The following MARK1 variants were observed in gnomAD, a reference collection of about 807,000 sequenced individuals.
The protein encoded by MARK1 is microtubule affinity regulating kinase 1, also known as serine/threonine-protein kinase MARK1.
In MARK1, 40 loss-of-function variants were observed where a neutral mutation model predicts 96.3. The ratio of observed to expected loss-of-function variants is 0.42; its 90% CI spans 0.32 to 0.54. MARK1 has a LOEUF of 0.54. Ranked by LOEUF, MARK1 falls within the 20% of genes least tolerant of loss-of-function variation. The pLI, the probability that MARK1 is intolerant of heterozygous loss-of-function variation, is 0.16. For missense variants in MARK1, 719 were observed against 984.6 expected (o/e 0.73, Z 3.61); for synonymous variants, 317 against 341.2 (o/e 0.93, Z 0.78).
chr1:220,631,849 G>A (rs1378635752), intron 10 of MARK1, among the ~76,000 whole-genome samples: 4 of 152,188 alleles, frequency 2.6e-5, no homozygotes, highest in African/African-American at 9.7e-5. Context: ...TTCACTAGTA[G>A]CTGAGGACGA....
chr1:220,613,802 T>C (rs1232631148), intron 6 of MARK1, among the ~76,000 whole-genome samples: 1 of 152,196 alleles, frequency 6.6e-6, no homozygotes, highest in African/African-American at 2.4e-5. Context: ...AAATTGATTA[T>C]AATCATTCCC....
At chr1:220,532,984 C>T (rs535890565) in intron 1 of MARK1, among the ~76,000 whole-genome samples, 7 of 147,656 alleles carry the variant, frequency 4.7e-5, no homozygotes, top group Admixed American at 3.5e-4. Context: ...CACTCCAGCC[C>T]GGGTGACAGA....
intron 1 of MARK1, among the ~76,000 whole-genome samples, chr1:220,566,818 T>A (rs78334063): frequency 0.26 from 39,064 of 151,686 alleles, 5,747 homozygotes; most frequent in East Asian, 0.45. Flanking sequence ...ACTGACAACA[T>A]CTTCTGTGTT....
At chr1:220,626,915 C>A in intron 9 of MARK1, 1 of 493,538 alleles carries the variant, frequency 2.0e-6, no homozygotes, top group South Asian at 1.7e-5. Context: ...GGAAGTGGTT[C>A]CAATTTGTAA....
intron 1 of MARK1, among the ~76,000 whole-genome samples, chr1:220,573,532 C>T (rs985958910): frequency 3.9e-5 from 6 of 151,968 alleles, no homozygotes; most frequent in Admixed American, 3.9e-4. Flanking sequence ...ACTGTGTTAG[C>T]CAGGATGGTC....
chr1:220,538,919 G>T (rs1440406005), intron 1 of MARK1, among the ~76,000 whole-genome samples: 25 of 148,882 alleles, frequency 1.7e-4, no homozygotes, highest in Admixed American at 4.0e-4. Flanking sequence ...CATTGATTTT[G>T]TATCCTGAGA....
In MARK1 at chr1:220,645,980, C is replaced by T. The variant is rs141570739; in HGVS notation, c.1471-4640C>T. ...TGAATGGGCAAAAGCTGGAAGCATTCCCCCTTGAAAACTGGCACAAGACAA... is the reference window on the plus strand; with the variant it reads ...TGAATGGGCAAAAGCTGGAAGCATTTCCCCTTGAAAACTGGCACAAGACAA... On this transcript the variant is annotated intron_variant, in intron 13 of 17. Transcript: ENST00000366917. Among the ~76,000 whole-genome samples the T allele has an allele frequency of 2.0e-3, 297 of 152,144 alleles. 1 individual carries two copies. Among genetic ancestry groups the T allele is most frequent in the African/African-American group, 6.7e-3 (279 of 41,522 alleles).
intron 3 of MARK1, among the ~76,000 whole-genome samples, chr1:220,594,369 C>T (rs1444564668): frequency 6.6e-6 from 1 of 152,186 alleles, no homozygotes; most frequent in African/African-American, 2.4e-5. Context: ...CAAAACACAG[C>T]ACCAAATGCT....
intron 2 of MARK1, among the ~76,000 whole-genome samples, chr1:220,580,852 C>T (rs1664192592): frequency 6.6e-6 from 1 of 152,182 alleles, no homozygotes; most frequent in South Asian, 2.1e-4. Context: ...GCTTTCATTT[C>T]ATTGGCTCAG....
intron 5 of MARK1, among the ~76,000 whole-genome samples, chr1:220,600,146 A>T (rs1421006054): frequency 2.0e-5 from 3 of 152,100 alleles, no homozygotes; most frequent in Non-Finnish European, 4.4e-5. Flanking sequence ...CTCTTATCTA[A>T]ATTTTACTAT....
At chr1:220,605,074 A>G (rs1472729480) in intron 6 of MARK1, among the ~76,000 whole-genome samples, 1 of 86,768 alleles carries the variant, frequency 1.2e-5, no homozygotes, top group East Asian at 6.6e-4. Flanking sequence ...TCTAAGATAC[A>G]TATGTGTGTG....
chr1:220,607,293 G>A (rs1206716955), intron 6 of MARK1, among the ~76,000 whole-genome samples: 2 of 152,194 alleles, frequency 1.3e-5, no homozygotes, highest in Non-Finnish European at 2.9e-5. Context: ...AATTGTGAAT[G>A]AGAGTTCATT....
At chr1:220,544,465 T>A (rs758036989) in intron 1 of MARK1, among the ~76,000 whole-genome samples, 3 of 152,222 alleles carry the variant, frequency 2.0e-5, no homozygotes, top group Non-Finnish European at 2.9e-5. Context: ...TTGCTTACCC[T>A]TCTGCCCTTC....
At chr1:220,568,079 A>C (rs761697725) in intron 1 of MARK1, among the ~76,000 whole-genome samples, 1 of 152,172 alleles carries the variant, frequency 6.6e-6, no homozygotes, top group Non-Finnish European at 1.5e-5. Flanking sequence ...TATAATAGAT[A>C]TGTTTGTTAA....
chr1:220,538,056 T>G (rs1291291040), intron 1 of MARK1, among the ~76,000 whole-genome samples: 1 of 152,194 alleles, frequency 6.6e-6, no homozygotes, highest in Non-Finnish European at 1.5e-5. Flanking sequence ...TAGTTTCTTT[T>G]GCTGTGCAGA....
chr1:220,642,114 G>A (rs2103030281), intron 13 of MARK1, among the ~76,000 whole-genome samples: 1 of 152,340 alleles, frequency 6.6e-6, no homozygotes, highest in Non-Finnish European at 1.5e-5. Context: ...GGGGGCTGAA[G>A]CCAGGGAGCC....
Position 220,603,719 on chromosome 1 carries a change from TG to T in MARK1, c.425-347del, listed in dbSNP as rs144141426. Among the ~76,000 whole-genome samples the T allele has an allele frequency of 8.4e-3, 1,271 of 152,148 alleles. 15 individuals carry two copies. Among genetic ancestry groups the T allele is most frequent in the African/African-American group, 0.028 (1,160 of 41,562 alleles). ...CGTAGGCCCCAAATACAAAGCCAAA[TG>T]TAATTTTTGATTGACCAGGCTGTGG... On this transcript the variant is annotated intron_variant, in intron 5 of 17. Transcript: ENST00000366917.
intron 1 of MARK1, among the ~76,000 whole-genome samples, chr1:220,556,269 C>T (rs1426354868): frequency 1.3e-5 from 2 of 152,098 alleles, no homozygotes; most frequent in African/African-American, 2.4e-5. Flanking sequence ...GGAAGCTTGT[C>T]ATCAGTACCG....
At chr1:220,573,260 C>T (rs911314675) in intron 1 of MARK1, among the ~76,000 whole-genome samples, 2 of 151,984 alleles carry the variant, frequency 1.3e-5, no homozygotes, top group African/African-American at 4.8e-5. Flanking sequence ...TCTCTGGGCC[C>T]CATTTATACA....
Sources: gnomAD v4.1 joint callset for allele counts (sites outside exome capture counted in the v4.1 genomes callset) on GRCh38, gnomAD v4.1.1 for gene constraint, MANE v1.5 for transcripts, NCBI Gene and HGNC (gene_info 2026-07-23, HGNC 2026-07-21) for gene names.